The following NWD2 variants were observed in gnomAD, a reference collection of about 807,000 sequenced individuals.
NWD2 encodes NACHT and WD repeat domain-containing protein 2.
NWD2 carries 37 observed loss-of-function variants against 132.7 expected under a neutral mutation model. The ratio of observed to expected loss-of-function variants is 0.28; its 90% CI spans 0.21 to 0.37. NWD2 has a LOEUF of 0.37. Among genes scored for constraint, NWD2 ranks in the 10% least tolerant of loss-of-function variants. The pLI is 1.00. For synonymous variants in NWD2, 705 were observed against 803.0 expected, an observed-to-expected ratio of 0.88 and a Z score of 2.06; for missense variants, 1,592 against 2,122.4, an observed-to-expected ratio of 0.75 and a Z score of 4.91.
chr4:37,363,884 G>A (rs764150988), intron 3 of NWD2, among the ~76,000 whole-genome samples: 1 of 152,052 alleles, frequency 6.6e-6, no homozygotes, highest in Non-Finnish European at 1.5e-5. Flanking sequence ...AGCACTTTGG[G>A]AGGCCAAGGC....
At chr4:37,260,023 C>T (rs958275208) in intron 1 of NWD2, among the ~76,000 whole-genome samples, 1 of 152,202 alleles carries the variant, frequency 6.6e-6, no homozygotes, top group Non-Finnish European at 1.5e-5. Context: ...AACCTTGCCA[C>T]TCTCTATAAC....
At position 37,319,429 on chromosome 4, in the gene NWD2, C is replaced by T. The variant is rs527356743; in HGVS notation, c.152-6507C>T. Among the ~76,000 whole-genome samples the T allele has an allele frequency of 2.1e-3, 319 of 152,214 alleles. 1 individual carries two copies. The highest frequency in any genetic ancestry group is 3.6e-3 in the Non-Finnish European group (245 of 67,980). On this transcript the variant is annotated intron_variant, in intron 1 of 6. Coordinates refer to ENST00000309447, the MANE Select transcript of NWD2 (RefSeq NM_001144990.2). The stretch of plus-strand genomic sequence containing the variant: ...TTTTCTCCCATTCTGCAGGTTGTCT[C>T]TTTATTACTGCTGATAGTTTCTTTT...
At chr4:37,403,688 G>A (rs1262360017) in intron 3 of NWD2, among the ~76,000 whole-genome samples, 1 of 152,174 alleles carries the variant, frequency 6.6e-6, no homozygotes, top group African/African-American at 2.4e-5. Context: ...AGAAAAAAGC[G>A]ACTCTACTTG....
At chr4:37,340,678 A>G (rs1227112300) in intron 2 of NWD2, among the ~76,000 whole-genome samples, 1 of 152,176 alleles carries the variant, frequency 6.6e-6, no homozygotes, top group East Asian at 1.9e-4. Flanking sequence ...AGGCAGTGGG[A>G]GATGGCTAGG....
chr4:37,434,694 A>C (rs1372081646), intron 5 of NWD2, among the ~76,000 whole-genome samples: 2 of 152,116 alleles, frequency 1.3e-5, no homozygotes, highest in Admixed American at 6.5e-5. Context: ...TTCCCAGCAG[A>C]GGGAGCAACA....
chr4:37,438,953 A>T lies in NWD2; in HGVS notation c.859A>T (p.Arg287Trp). Residue 287 changes from arginine (R) to tryptophan (W), a missense_variant, in exon 6 of 7, where the codon AGG becomes TGG. By Grantham distance (101) the Arg-to-Trp change is moderately radical. This residue lies in a region of NWD2 where 1,071 missense variants were observed against 1,398.0 expected (regional missense o/e 0.77). Transcript: ENST00000309447. ...KYMDITGTEP[R>W]IIRDPEAQEK... ...CATGGATATAACTGGAACAGAACCG[A>T]GGATTATTCGGGACCCAGAAGCCCA... 1 of 1,552,104 alleles carries T rather than the reference A, an allele frequency of 6.4e-7. No individual in the cohort carries two copies. Among genetic ancestry groups the T allele is most frequent in the Non-Finnish European group, 8.7e-7 (1 of 1,147,076 alleles).
intron 1 of NWD2, among the ~76,000 whole-genome samples, chr4:37,286,766 G>C (rs921925556): frequency 6.6e-6 from 1 of 152,140 alleles, no homozygotes; most frequent in African/African-American, 2.4e-5. Context: ...ACCTGGAGCA[G>C]TTCCTAAGGA....
rs570588815 is a variant in NWD2, at chr4:37,313,879, G to T, written c.152-12057G>T. Among the ~76,000 whole-genome samples, 3 of 151,030 alleles carry T rather than the reference G, an allele frequency of 2.0e-5. No individual in the cohort carries two copies. The East Asian group carries it at 5.8e-4, about 29-fold the overall frequency. ...ACGCCCTCCTAATTGTTGTATTTTA[G>T]TAGAGACAGGATTTCACCATGTTGG... On this transcript the variant is annotated intron_variant, in intron 1 of 6. Transcript: ENST00000309447.
Position 37,445,746 on chromosome 4 carries a change from C to T in NWD2, c.3758C>T (p.Thr1253Ile). ...GDCIIATMEN[T>I]SAVFFWRRDT... ...TGTATCATCGCCACCATGGAAAATA[C>T]CTCAGCTGTGTTTTTTTGGAGGCGG... The change falls in exon 7 of 7, where the codon ACC becomes ATC. Residue 1253 changes from threonine (T) to isoleucine (I), a missense_variant. Physicochemically the swap from Thr to Ile is moderately conservative, Grantham distance 89. Transcript: ENST00000309447. This position sits in a 1 kb window ranked among gnomAD's most constrained non-coding sequence, Gnocchi z 4.7. 1 of 1,551,872 alleles carries T rather than the reference C, an allele frequency of 6.4e-7. No homozygotes were observed. The highest frequency in any genetic ancestry group is 8.7e-7 in the Non-Finnish European group (1 of 1,147,038).
At chr4:37,338,775 T>A (rs940123479) in intron 2 of NWD2, among the ~76,000 whole-genome samples, 3 of 152,236 alleles carry the variant, frequency 2.0e-5, no homozygotes, top group African/African-American at 7.2e-5. Flanking sequence ...ACAGCTCGAC[T>A]ATTCTGTTGA....
At chr4:37,288,852 C>T (rs373130104) in intron 1 of NWD2, among the ~76,000 whole-genome samples, 41 of 152,014 alleles carry the variant, frequency 2.7e-4, no homozygotes, top group South Asian at 8.3e-4. Flanking sequence ...GAACCCAAAT[C>T]CTTTTAGGAA....
chr4:37,298,526 G>T (rs1718545386), intron 1 of NWD2, among the ~76,000 whole-genome samples: 1 of 152,076 alleles, frequency 6.6e-6, no homozygotes, highest in South Asian at 2.1e-4. Context: ...ATTAATGTAG[G>T]CATCTCTACT....
At chr4:37,374,671 T>A (rs1720306588) in intron 3 of NWD2, among the ~76,000 whole-genome samples, 1 of 152,198 alleles carries the variant, frequency 6.6e-6, no homozygotes, top group Admixed American at 6.5e-5. Context: ...AAATGATTGT[T>A]ACTAGCAAAA....
chr4:37,447,020 A>G lies in NWD2; in HGVS notation c.5032A>G (p.Asn1678Asp). The G allele has an allele frequency of 2.6e-6, 4 of 1,551,738 alleles. No homozygotes were observed. In the African/African-American group the frequency reaches 4.1e-5, roughly 16 times the overall value. Residue 1678 changes from asparagine (N) to aspartate (D), a missense_variant, in exon 7 of 7, where the codon AAC (asparagine) becomes GAC (aspartate). This residue lies in a region of NWD2 where 257 missense variants were observed against 335.0 expected (regional missense o/e 0.77). Coordinates refer to ENST00000309447, the MANE Select transcript of NWD2 (RefSeq NM_001144990.2). ...AACACACACCTCCAGGCCAAAGTGT[A>G]ACAGTTATTGTTTTAAAATATCTGT... ...NATHTSRPKC[N>D]SYCFKISVDC...
In NWD2 at chr4:37,445,357, C is replaced by T; in HGVS notation, c.3369C>T (p.Thr1123=). Residue 1123 remains threonine (T), a synonymous_variant, in exon 7 of 7, where the codon ACC becomes ACT. Coordinates refer to ENST00000309447, the MANE Select transcript of NWD2 (RefSeq NM_001144990.2). This position sits in a 1 kb window ranked among gnomAD's most constrained non-coding sequence, Gnocchi z 4.7. The part of the protein sequence containing the change: ...AFCGQYLNTT[T]IFHLGSGEKL... ...GTGGCCAATACCTGAACACAACCAC[C>T]ATATTTCATTTAGGGAGTGGAGAAA... The T allele has an allele frequency of 1.9e-6, 3 of 1,552,198 alleles. No homozygotes were observed. The highest frequency in any genetic ancestry group is 2.6e-6 in the Non-Finnish European group (3 of 1,147,102).
chr4:37,314,799 T>C (rs1280387733), intron 1 of NWD2, among the ~76,000 whole-genome samples: 1 of 152,148 alleles, frequency 6.6e-6, no homozygotes, highest in Non-Finnish European at 1.5e-5. Context: ...TTTTCTTCCT[T>C]GAGTTTGTTT....
intron 2 of NWD2, among the ~76,000 whole-genome samples, chr4:37,350,757 G>C (rs1719743090): frequency 6.6e-6 from 1 of 152,146 alleles, no homozygotes; most frequent in South Asian, 2.1e-4. Flanking sequence ...ACCTCGTCTT[G>C]TGCCAGTTTT....
intron 1 of NWD2, among the ~76,000 whole-genome samples, chr4:37,295,170 G>A (rs925240232): frequency 3.9e-5 from 6 of 152,114 alleles, no homozygotes; most frequent in Non-Finnish European, 4.4e-5. Flanking sequence ...GCATGACTCA[G>A]CTTTCAGCTT....
chr4:37,445,384 G>T lies in NWD2; in HGVS notation c.3396G>T (p.Lys1132Asn). ...TTIFHLGSGE[K>N]LCTVTSEFSG... The stretch of plus-strand genomic sequence containing the variant: ...TATTTCATTTAGGGAGTGGAGAAAA[G>T]TTATGTACAGTGACATCAGAATTTT... The change falls in exon 7 of 7, where the codon AAG becomes AAT. Residue 1132 changes from lysine to asparagine, a missense_variant. By Grantham distance (94) the Lys-to-Asn change is moderately conservative. Around this residue, in one of 7 missense-constraint regions of NWD2, gnomAD observed 1,071 missense variants for 1,398.0 expected, o/e 0.77. Transcript: ENST00000309447. The surrounding 1 kb of genome is among the most constrained non-coding windows in gnomAD (Gnocchi z 4.7). 2 of 1,552,168 alleles carry T rather than the reference G, an allele frequency of 1.3e-6. No individual in the cohort carries two copies. The highest frequency in any genetic ancestry group is 4.9e-5 in the East Asian group (2 of 40,926).
Sources: allele counts gnomAD v4.1 joint callset (sites outside exome capture counted in the v4.1 genomes callset), GRCh38; gene constraint gnomAD v4.1.1; regional missense constraint gnomAD v4.1.1; non-coding constraint Gnocchi (gnomAD v3.1); transcripts MANE v1.5; gene names NCBI Gene and HGNC (gene_info 2026-07-23, HGNC 2026-07-21).